The following F13A1 variants were observed in gnomAD, a reference collection of about 807,000 sequenced individuals.
The protein encoded by F13A1 is FSF, A subunit.
F13A1 carries 47 observed loss-of-function variants against 80.1 expected under a neutral mutation model. That is an observed-to-expected ratio of 0.59 (90% confidence interval 0.46 to 0.75). F13A1 has a LOEUF of 0.75. F13A1 is among the 30% of genes least tolerant of loss of function. F13A1 has a pLI of 0.00. For missense variants in F13A1, 817 were observed against 930.4 expected, an observed-to-expected ratio of 0.88 and a Z score of 1.59; for synonymous variants, 349 against 344.9, an observed-to-expected ratio of 1.01 and a Z score of -0.13.
chr6:6,200,186 G>C (rs1761367982), intron 8 of F13A1, among the ~76,000 whole-genome samples: 1 of 152,066 alleles, frequency 6.6e-6, no homozygotes, highest in Non-Finnish European at 1.5e-5. Flanking sequence ...GGAGGTTGCG[G>C]GAGTATTGGT....
rs572931188 is a variant in F13A1, at chr6:6,147,838, CAG to C, written c.2046-2068_2046-2067del. ...ATTTTACATACAGATAAATTCATAA[CAG>C]AGAAAAAAGTATTTTGATAAGTGGA... is the stretch of plus-strand genomic sequence containing the variant. On this transcript the variant is annotated intron_variant, in intron 14 of 14. Transcript: ENST00000264870. 1.1e-3 allele frequency among the ~76,000 whole-genome samples: 164 copies of C among 152,212 alleles called. 2 individuals are homozygous for C. The highest frequency in any genetic ancestry group is 3.8e-3 in the African/African-American group (157 of 41,526).
intron 11 of F13A1, among the ~76,000 whole-genome samples, chr6:6,178,182 G>GC (rs1760917760): frequency 6.6e-6 from 1 of 152,140 alleles, no homozygotes; most frequent in South Asian, 2.1e-4. Flanking sequence ...GGAAGCTAGA[G>GC]CAAGTATTTT....
chr6:6,295,276 G>C (rs1283647792), intron 3 of F13A1, among the ~76,000 whole-genome samples: 1 of 148,318 alleles, frequency 6.7e-6, no homozygotes, highest in African/African-American at 2.6e-5. Flanking sequence ...GGGATGGCTG[G>C]GTCAAATGGT....
chr6:6,152,087 CT>C, intron 13 of F13A1, 138 bp from the exon 14 acceptor site: 1 of 991,430 alleles, frequency 1.0e-6, no homozygotes, highest in Non-Finnish European at 1.5e-6. Flanking sequence ...ATGAGGATAG[CT>C]GATTGCTTTG....
chr6:6,240,610 T>A (rs185170263), intron 6 of F13A1, among the ~76,000 whole-genome samples: 15 of 152,306 alleles, frequency 9.8e-5, no homozygotes, highest in Non-Finnish European at 1.8e-4. Flanking sequence ...CACCTGCACT[T>A]TGGTTATTTA....
intron 2 of F13A1, among the ~76,000 whole-genome samples, chr6:6,311,400 C>T (rs1389294141): frequency 6.6e-6 from 1 of 151,596 alleles, no homozygotes; most frequent in East Asian, 1.9e-4. Context: ...ATAAGACCTC[C>T]AGATCAGCAG....
At chr6:6,196,938 A>T (rs1414651186) in intron 9 of F13A1, among the ~76,000 whole-genome samples, 1 of 152,230 alleles carries the variant, frequency 6.6e-6, no homozygotes, top group Non-Finnish European at 1.5e-5. Context: ...ATGCTTACAG[A>T]TATTTTCTCT....
intron 13 of F13A1, among the ~76,000 whole-genome samples, chr6:6,152,604 T>A (rs1169677069): frequency 6.6e-6 from 1 of 152,210 alleles, no homozygotes; most frequent in East Asian, 1.9e-4. Flanking sequence ...CAGAGCTCAG[T>A]GCCAGGTTCA....
At chr6:6,313,777 T>C (rs981420777) in intron 2 of F13A1, among the ~76,000 whole-genome samples, 1 of 152,200 alleles carries the variant, frequency 6.6e-6, no homozygotes, top group Non-Finnish European at 1.5e-5. Flanking sequence ...AAGCATTTTC[T>C]TAAGTGGCTT....
At chr6:6,296,585 T>C (rs1218889466) in intron 3 of F13A1, among the ~76,000 whole-genome samples, 2 of 150,654 alleles carry the variant, frequency 1.3e-5, no homozygotes, top group African/African-American at 4.9e-5. Context: ...GTGATTTTTG[T>C]ACATTGATTT....
chr6:6,318,482 G>A (rs532013879), intron 2 of F13A1, 53 bp downstream of exon 2: 1 of 1,574,624 alleles, frequency 6.4e-7, no homozygotes, highest in Admixed American at 1.9e-5. Context: ...AGAGGGGCCA[G>A]GGCCCGGCTG....
intron 3 of F13A1, among the ~76,000 whole-genome samples, chr6:6,289,561 T>C (rs1323430575): frequency 6.6e-6 from 1 of 152,144 alleles, no homozygotes; most frequent in Non-Finnish European, 1.5e-5. Flanking sequence ...ATTTATCCTA[T>C]CATTTATTAG....
intron 6 of F13A1, among the ~76,000 whole-genome samples, chr6:6,227,098 T>TA (rs541238926): frequency 6.2e-4 from 94 of 152,032 alleles, no homozygotes; most frequent in South Asian, 4.4e-3. Context: ...CCGAACGAAA[T>TA]AAAAAAAATA....
chr6:6,301,393 T>C (rs1758429187), intron 3 of F13A1, among the ~76,000 whole-genome samples: 1 of 152,184 alleles, frequency 6.6e-6, no homozygotes, highest in Admixed American at 6.6e-5. Flanking sequence ...CTTTCTTGTA[T>C]CTACAACAGG....
intron 3 of F13A1, among the ~76,000 whole-genome samples, chr6:6,268,616 G>C (rs1757876759): frequency 6.6e-6 from 1 of 151,780 alleles, no homozygotes; most frequent in Non-Finnish European, 1.5e-5. Flanking sequence ...GAAATAAAAA[G>C]ACAATAGATT....
chr6:6,146,455 C>T (rs915194618), intron 14 of F13A1, among the ~76,000 whole-genome samples: 37 of 152,162 alleles, frequency 2.4e-4, no homozygotes, highest in Non-Finnish European at 5.9e-5. Context: ...TAGTGTTCTC[C>T]TCTTCCTCCC....
intron 4 of F13A1, among the ~76,000 whole-genome samples, chr6:6,255,407 T>C (rs1365945867): frequency 6.6e-6 from 1 of 152,170 alleles, no homozygotes; most frequent in Non-Finnish European, 1.5e-5. Flanking sequence ...TCCAAGGTCA[T>C]GCAGCTAGTG....
At chr6:6,262,217 G>A (rs1757785715) in intron 4 of F13A1, among the ~76,000 whole-genome samples, 1 of 138,982 alleles carries the variant, frequency 7.2e-6, no homozygotes, top group Non-Finnish European at 1.6e-5. Context: ...TGACCCTCCA[G>A]GTGATTCTGA....
chr6:6,223,211 T>C (rs1278825977), intron 7 of F13A1, among the ~76,000 whole-genome samples: 1 of 152,216 alleles, frequency 6.6e-6, no homozygotes, highest in Non-Finnish European at 1.5e-5. Context: ...ACTTCCCCAC[T>C]GTGTGTTTCT....
Sources: gnomAD v4.1 joint callset for allele counts (sites outside exome capture counted in the v4.1 genomes callset) on GRCh38, gnomAD v4.1.1 for gene constraint, MANE v1.5 for transcripts, NCBI Gene and HGNC (gene_info 2026-07-23, HGNC 2026-07-21) for gene names.